FN3KRP: variants seen among roughly 807,000 people sequenced by gnomAD.
FN3KRP encodes ketosamine-3-kinase.
In FN3KRP, 33 loss-of-function variants were observed where a neutral mutation model predicts 29.8. The observed-to-expected ratio is 1.11, with a 90% CI of 0.84 to 1.48. The LOEUF (loss-of-function observed/expected upper bound fraction) is 1.48. Ranked by LOEUF, FN3KRP falls within the 40% of genes most tolerant of loss-of-function variation. FN3KRP has a pLI of 0.00. For missense variants in FN3KRP, 430 were observed against 402.6 expected (o/e 1.07, Z -0.58); for synonymous variants, 157 against 155.2 (o/e 1.01, Z -0.09).
At chr17:82,717,693 T>C (rs957552600) in intron 1 of FN3KRP, among the ~76,000 whole-genome samples, 1 of 152,076 alleles carries the variant, frequency 6.6e-6, no homozygotes, top group Non-Finnish European at 1.5e-5. Flanking sequence ...CACTCCAGCC[T>C]GCTGGGTGAC....
intron 2 of FN3KRP, among the ~76,000 whole-genome samples, chr17:82,719,784 CT>C (rs2046785500): frequency 6.6e-6 from 1 of 151,766 alleles, no homozygotes; most frequent in Non-Finnish European, 1.5e-5. Flanking sequence ...CCACTGCAAA[CT>C]TGGATGAGGC....
At position 82,718,890 on chromosome 17, in the gene FN3KRP, C is replaced by T. The variant is rs1440308992; in HGVS notation, c.142-16C>T. Reference sequence around the variant, plus strand: ...GCCTCCCTGTATTTCCACTTCCTCTCGTATTTTTCTGACAGGCCAGAAGAA... The same window carrying T: ...GCCTCCCTGTATTTCCACTTCCTCTTGTATTTTTCTGACAGGCCAGAAGAA... On this transcript the variant is annotated splice_polypyrimidine_tract_variant and intron_variant, in intron 1 of 5. Transcript: ENST00000269373. 6.2e-6 allele frequency: 10 copies of T among 1,609,780 alleles called. No individual in the cohort carries two copies. Among genetic ancestry groups the T allele is most frequent in the African/African-American group, 1.3e-5 (1 of 74,864 alleles).
chr17:82,723,674 T>C (rs537255495), intron 4 of FN3KRP, among the ~76,000 whole-genome samples: 53 of 151,516 alleles, frequency 3.5e-4, no homozygotes, highest in Non-Finnish European at 2.9e-4. Context: ...CGCGCACATG[T>C]ATGTGTGCAG....
At chr17:82,717,868 A>G (rs1036718871) in intron 1 of FN3KRP, among the ~76,000 whole-genome samples, 3 of 151,884 alleles carry the variant, frequency 2.0e-5, no homozygotes, top group African/African-American at 4.8e-5. Flanking sequence ...GTCTATGTGT[A>G]TGTTGTGTGT....
intron 3 of FN3KRP, among the ~76,000 whole-genome samples, chr17:82,721,768 C>T (rs2046800086): frequency 6.6e-6 from 1 of 152,144 alleles, no homozygotes; most frequent in South Asian, 2.1e-4. Flanking sequence ...TCCCAAAGTG[C>T]TGGGATTACA....
chr17:82,726,191 A>C (rs1598335995), intron 4 of FN3KRP, among the ~76,000 whole-genome samples: 1 of 151,934 alleles, frequency 6.6e-6, no homozygotes, highest in East Asian at 1.9e-4. Flanking sequence ...AGAAAAAAGA[A>C]AAAGAAAAAA....
intron 1 of FN3KRP, among the ~76,000 whole-genome samples, chr17:82,717,849 AGT>A (rs2046768761): frequency 6.6e-6 from 1 of 151,932 alleles, no homozygotes; most frequent in Non-Finnish European, 1.5e-5. Flanking sequence ...GCACGAGGAG[AGT>A]GTGTGTGTCT....
intron 2 of FN3KRP, among the ~76,000 whole-genome samples, chr17:82,720,056 C>T (rs1201364822): frequency 1.3e-5 from 2 of 152,018 alleles, no homozygotes; most frequent in Non-Finnish European, 2.9e-5. Flanking sequence ...ATCCCAGCTA[C>T]TCGGGAGGCT....
chr17:82,718,379 A>G, intron 1 of FN3KRP: 6 of 986,560 alleles, frequency 6.1e-6, no homozygotes, highest in Non-Finnish European at 7.2e-6. Flanking sequence ...TGGAAACGGC[A>G]TCTCAAGATG....
intron 4 of FN3KRP, among the ~76,000 whole-genome samples, chr17:82,724,949 C>T (rs2046826896): frequency 6.8e-6 from 1 of 147,860 alleles, no homozygotes; most frequent in Admixed American, 6.8e-5. Flanking sequence ...GCTGGGACTA[C>T]AGGTGCCTGT....
chr17:82,716,883 A>G lies in FN3KRP; in HGVS notation c.128A>G (p.Asn43Ser), dbSNP rs767854325. The G allele has an allele frequency of 6.4e-7, 1 of 1,555,036 alleles. No individual in the cohort carries two copies. The highest frequency in any genetic ancestry group is 1.9e-5 in the Admixed American group (1 of 52,266). Residue 43 changes from asparagine to serine, a missense_variant, in exon 1 of 6, where the codon AAC (asparagine) becomes AGC (serine). Physicochemically the swap from Asn to Ser is conservative, Grantham distance 46. Coordinates refer to ENST00000269373, the MANE Select transcript of FN3KRP (RefSeq NM_024619.4). ...CAAGGACGAGTGTTCGTGAAAGTGA[A>G]CCCCAAGGCGGAGGTCAGGCAGCGG... ...TDQGRVFVKVNPKAEARRMFE... is the reference protein window; with the variant it reads ...TDQGRVFVKVSPKAEARRMFE...
rs1156943470 is a variant in FN3KRP at position 82,726,986 on chromosome 17, G to A, written c.745G>A (p.Ala249Thr). Residue 249 changes from alanine (A) to threonine (T), a missense_variant, in exon 6 of 6, where the codon GCT (alanine) becomes ACT (threonine). Physicochemically the swap from Ala to Thr is moderately conservative, Grantham distance 58 (BLOSUM62 0). Coordinates refer to ENST00000269373, the MANE Select transcript of FN3KRP (RefSeq NM_024619.4). The stretch of plus-strand genomic sequence containing the variant: ...CCACTCGGAATATGAGCTGGCAATA[G>A]CTGGCATGTTTGGGGGCTTTAGCAG... Reference protein sequence around the residue: ...YGHSEYELAIAGMFGGFSSSF... With the variant: ...YGHSEYELAITGMFGGFSSSF... 1.2e-6 allele frequency: 2 copies of A among 1,614,166 alleles called. No individual in the cohort carries two copies. The highest frequency in any genetic ancestry group is 2.7e-5 in the African/African-American group (2 of 75,034).
intron 4 of FN3KRP, among the ~76,000 whole-genome samples, chr17:82,723,596 T>C (rs536987631): frequency 1.1e-4 from 16 of 152,056 alleles, no homozygotes; most frequent in Non-Finnish European, 2.2e-4. Context: ...TATGTGTGCA[T>C]GTGTATGTGC....
Position 82,716,732 on chromosome 17 carries a change from C to T in FN3KRP, c.-24C>T. Reference sequence around the variant, plus strand: ...TCTCGAGTCTCCGCCAGATCCGGGGCGGGTCCGCGGCCGCGGCGGGAACAT... The same window carrying T: ...TCTCGAGTCTCCGCCAGATCCGGGGTGGGTCCGCGGCCGCGGCGGGAACAT... On this transcript the variant is annotated 5_prime_UTR_variant, in exon 1 of 6. Transcript: ENST00000269373. 2 of 1,476,890 alleles carry T rather than the reference C, an allele frequency of 1.4e-6. No individual in the cohort carries two copies. The highest frequency in any genetic ancestry group is 2.8e-5 in the East Asian group (1 of 35,506). 91.5% of individuals were successfully genotyped at this position (1,476,890 alleles called of 1,614,324 possible).
chr17:82,726,235 A>G (rs998233269), intron 4 of FN3KRP, among the ~76,000 whole-genome samples: 2 of 152,188 alleles, frequency 1.3e-5, no homozygotes, highest in Admixed American at 1.3e-4. Flanking sequence ...TTGGAAGGCT[A>G]CAGAGTGGGT....
chr17:82,722,635 C>G, intron 3 of FN3KRP, 169 bp from the exon 4 acceptor site: 1 of 597,626 alleles, frequency 1.7e-6, no homozygotes, highest in Non-Finnish European at 3.0e-6. Context: ...GGAGCAGGCT[C>G]TGTTAGGGGT....
Position 82,726,950 on chromosome 17 carries a change from T to TC in FN3KRP, c.710dup (p.Tyr239LeufsTer7). The TC allele has an allele frequency of 8.1e-6, 13 of 1,613,640 alleles. No homozygotes were observed. Among genetic ancestry groups the TC allele is most frequent in the Non-Finnish European group, 1.1e-5 (13 of 1,179,772 alleles). On this transcript the variant is annotated frameshift_variant, in exon 6 of 6. Coordinates refer to ENST00000269373, the MANE Select transcript of FN3KRP (RefSeq NM_024619.4). LOFTEE classifies it high-confidence loss of function. ...TGGGCCGGTGATTTTTGACCCAGCT[T>TC]CTTTCTACGGCCACTCGGAATATGA...
At position 82,726,873 on chromosome 17, in the gene FN3KRP, C is replaced by T; in HGVS notation, c.632C>T (p.Pro211Leu). 1.3e-6 allele frequency: 2 copies of T among 1,571,456 alleles called. No homozygotes were observed. The highest frequency in any genetic ancestry group is 1.7e-6 in the Non-Finnish European group (2 of 1,159,640). ...PDLFRDLEII[P>L]ALLHGDLWGG... is the part of the protein sequence containing the mutation. Reference sequence around the variant, plus strand: ...CTGTTCCGTGACCTGGAGATCATCCCAGCCTTACTCCACGGGGACCTCTGG... The same window carrying T: ...CTGTTCCGTGACCTGGAGATCATCCTAGCCTTACTCCACGGGGACCTCTGG... The change falls in exon 6 of 6, where the codon CCA (proline) becomes CTA (leucine). Residue 211 changes from proline to leucine, a missense_variant. By Grantham distance (98) the Pro-to-Leu change is moderately conservative (BLOSUM62 -3). Coordinates refer to ENST00000269373, the MANE Select transcript of FN3KRP (RefSeq NM_024619.4).
At position 82,718,697 on chromosome 17, in the gene FN3KRP, C is replaced by G; in HGVS notation, c.142-209C>G. 8.0e-7 allele frequency: 1 copy of G among 1,242,834 alleles called. No individual in the cohort carries two copies. Among genetic ancestry groups the G allele is most frequent in the Non-Finnish European group, 1.1e-6 (1 of 939,024 alleles). The allele number at this position is 1,242,834 out of a possible 1,614,324, so 77.0% of individuals were successfully genotyped here. A position where few individuals can be genotyped will look rare whatever the true frequency, so the allele number is the denominator to read the frequency against. On this transcript the variant is annotated intron_variant, in intron 1 of 5. Coordinates refer to ENST00000269373, the MANE Select transcript of FN3KRP (RefSeq NM_024619.4). ...ACAAGTGTAGTCCAACACTGGAAAG[C>G]TCAAGCCCTCTTCTTCCAGTACAGC...
Sources: allele counts gnomAD v4.1 joint callset (sites outside exome capture counted in the v4.1 genomes callset), GRCh38; gene constraint gnomAD v4.1.1; transcripts MANE v1.5; gene names NCBI Gene and HGNC (gene_info 2026-07-23, HGNC 2026-07-21).